Variants in C21orf91 observed in about 807,000 individuals in gnomAD.
The protein encoded by C21orf91 is protein EURL homolog.
A neutral mutation model predicts 32.9 loss-of-function variants in C21orf91; 26 were observed. That is an observed-to-expected ratio of 0.79 (90% confidence interval 0.58 to 1.10). The LOEUF (loss-of-function observed/expected upper bound fraction) is 1.10. C21orf91 is among the 50% of genes least tolerant of loss of function. The pLI is 0.00. For missense variants in C21orf91, 310 were observed against 341.3 expected (o/e 0.91, Z 0.72); for synonymous variants, 126 against 120.4 (o/e 1.05, Z -0.31).
Position 17,795,263 on chromosome 21 carries a change from C to T in C21orf91, c.672G>A (p.Ser224=). 3.1e-6 allele frequency: 5 copies of T among 1,605,076 alleles called. No homozygotes were observed. Among genetic ancestry groups the T allele is most frequent in the Non-Finnish European group, 3.4e-6 (4 of 1,172,138 alleles). The part of the protein sequence containing the change: ...HPHYSREELN[S]MTLGEVEQLN... Reference sequence around the variant, plus strand: ...GTTGCTCTACCTCACCAAGAGTCATCGAATTCACTGAAACATGAAAATGTA... The same window carrying T: ...GTTGCTCTACCTCACCAAGAGTCATTGAATTCACTGAAACATGAAAATGTA... The change falls in exon 4 of 5, where the codon TCG becomes TCA. Residue 224 remains serine, a synonymous_variant. Transcript: ENST00000284881.
rs1171975435 is a variant in C21orf91, at chr21:17,790,938, C to T, written c.*2477G>A. 2 of 152,092 alleles carry T rather than the reference C, an allele frequency of 1.3e-5. No homozygotes were observed. Among genetic ancestry groups the T allele is most frequent in the African/African-American group, 4.8e-5 (2 of 41,442 alleles). 9.4% of individuals were successfully genotyped at this position (152,092 alleles called of 1,614,324 possible). A position where few individuals can be genotyped will look rare whatever the true frequency, so the allele number is the denominator to read the frequency against. ...GCTCTGAAAATTTAGTAATGGATGA[C>T]TGGCAGTCTGTTTTGCCACTTTTTA... On this transcript the variant is annotated 3_prime_UTR_variant, in exon 5 of 5. Transcript: ENST00000284881.
Position 17,795,205 on chromosome 21 carries a change from T to C in C21orf91, c.727+3A>G, listed in dbSNP as rs1372688278. On this transcript the variant is annotated splice_donor_region_variant and intron_variant, in intron 4 of 4. Transcript: ENST00000284881. ...ACAAAAAAGTACTGACAGTGATTCT[T>C]ACCCTGGATTTGCTGTAGGAGCTTT... The C allele has an allele frequency of 6.2e-7, 1 of 1,601,822 alleles. No homozygotes were observed. Among genetic ancestry groups the C allele is most frequent in the Non-Finnish European group, 8.6e-7 (1 of 1,169,060 alleles).
chr21:17,810,733 T>A (rs1228103848), intron 2 of C21orf91: 1 of 152,258 alleles, frequency 6.6e-6, no homozygotes, highest in East Asian at 1.9e-4. Context: ...GACATCTGCA[T>A]GGTTCTTCTG....
At chr21:17,809,089 CTG>C in intron 2 of C21orf91, 1 of 155,548 alleles carries the variant, frequency 6.4e-6, no homozygotes, top group Non-Finnish European at 1.4e-5. Flanking sequence ...GCCACGCTTC[CTG>C]TACAGCCTGC....
intron 2 of C21orf91, chr21:17,810,769 TTG>T (rs2062627764): frequency 6.6e-6 from 1 of 152,244 alleles, no homozygotes; most frequent in Non-Finnish European, 1.5e-5. Flanking sequence ...CAAGACTGTC[TTG>T]TGTGTGTCCT....
At chr21:17,804,548 T>G (rs2062582890) in intron 2 of C21orf91, among the ~76,000 whole-genome samples, 1 of 152,240 alleles carries the variant, frequency 6.6e-6, no homozygotes, top group African/African-American at 2.4e-5. Flanking sequence ...GCAGATAGAA[T>G]ATTGGCAACC....
intron 2 of C21orf91, among the ~76,000 whole-genome samples, chr21:17,805,925 C>T (rs923750127): frequency 2.0e-5 from 3 of 152,182 alleles, no homozygotes; most frequent in Non-Finnish European, 2.9e-5. Context: ...TATCCACTTA[C>T]ATGGGGCATA....
rs1342524806 is a variant in C21orf91 at position 17,792,289 on chromosome 21, T to G, written c.*1126A>C. 3 of 152,146 alleles carry G rather than the reference T, an allele frequency of 2.0e-5. No homozygotes were observed. Among genetic ancestry groups the G allele is most frequent in the African/African-American group, 7.2e-5 (3 of 41,452 alleles). The allele number at this position is 152,146 out of a possible 1,614,324, so 9.4% of individuals were successfully genotyped here. A position where few individuals can be genotyped will look rare whatever the true frequency, so the allele number is the denominator to read the frequency against. ...CATTCTCTTAATACATAGGTTTATT[T>G]TTTTTTAATTAGGAGTTTTGCTTTT... On this transcript the variant is annotated 3_prime_UTR_variant, in exon 5 of 5. Coordinates refer to ENST00000284881, the MANE Select transcript of C21orf91 (RefSeq NM_001100420.2).
intron 2 of C21orf91, among the ~76,000 whole-genome samples, chr21:17,815,302 C>G (rs1278328061): frequency 6.6e-6 from 1 of 152,132 alleles, no homozygotes; most frequent in Non-Finnish European, 1.5e-5. Flanking sequence ...TCAGCCTCTT[C>G]TCGGAGAAGA....
intron 1 of C21orf91, among the ~76,000 whole-genome samples, chr21:17,818,587 C>T (rs1472888044): frequency 6.6e-6 from 1 of 152,228 alleles, no homozygotes; most frequent in Non-Finnish European, 1.5e-5. Flanking sequence ...GGGTTAGTGG[C>T]ACCTGAAGGA....
chr21:17,810,575 C>T (rs955065801), intron 2 of C21orf91: 2 of 152,236 alleles, frequency 1.3e-5, no homozygotes, highest in Non-Finnish European at 2.9e-5. Flanking sequence ...GACATCTTCA[C>T]CTGTGCTCAC....
intron 1 of C21orf91, among the ~76,000 whole-genome samples, chr21:17,818,568 T>C (rs1469927864): frequency 6.6e-6 from 1 of 152,206 alleles, no homozygotes; most frequent in Non-Finnish European, 1.5e-5. Context: ...TTTTGTCCTA[T>C]AGTTGATTGG....
chr21:17,815,220 A>G (rs185207588), intron 2 of C21orf91, among the ~76,000 whole-genome samples: 4 of 152,252 alleles, frequency 2.6e-5, no homozygotes, highest in African/African-American at 4.8e-5. Flanking sequence ...AAATATTATT[A>G]TTGTTTACTA....
chr21:17,807,778 T>A (rs760625900), intron 2 of C21orf91, among the ~76,000 whole-genome samples: 9 of 152,192 alleles, frequency 5.9e-5, no homozygotes, highest in Admixed American at 2.0e-4. Flanking sequence ...TCTGTGGACC[T>A]TTGAACTTGA....
intron 2 of C21orf91, among the ~76,000 whole-genome samples, chr21:17,805,944 C>T (rs762005636): frequency 2.7e-5 from 4 of 148,756 alleles, no homozygotes; most frequent in Non-Finnish European, 5.9e-5. Context: ...TATGGAGACA[C>T]CAACTTACAG....
chr21:17,797,383 G>T (rs991911323), intron 2 of C21orf91, among the ~76,000 whole-genome samples: 1 of 151,664 alleles, frequency 6.6e-6, no homozygotes, highest in East Asian at 1.9e-4. Context: ...GTTACTGCAC[G>T]ATATAAAAAA....
In C21orf91 at chr21:17,790,418, G is replaced by A. The variant is rs1012012061; in HGVS notation, c.*2997C>T. ...AAAACCATTTTCAGTCATAAATATAGTAAAATGAAAAACCAAATCTCAAGA... is the reference window on the plus strand; with the variant it reads ...AAAACCATTTTCAGTCATAAATATAATAAAATGAAAAACCAAATCTCAAGA... On this transcript the variant is annotated 3_prime_UTR_variant, in exon 5 of 5. Coordinates refer to ENST00000284881, the MANE Select transcript of C21orf91 (RefSeq NM_001100420.2). 6.6e-6 allele frequency: 1 copy of A among 151,974 alleles called. No individual in the cohort carries two copies. Among genetic ancestry groups the A allele is most frequent in the East Asian group, 1.9e-4 (1 of 5,202 alleles). The allele number at this position is 151,974 out of a possible 1,614,324, so 9.4% of individuals were successfully genotyped here.
chr21:17,796,472 T>C (rs1159280025), intron 3 of C21orf91, 110 bp downstream of exon 3: 6 of 826,860 alleles, frequency 7.3e-6, no homozygotes, highest in Non-Finnish European at 1.2e-5. Flanking sequence ...AAATACAATG[T>C]TTCCCAAATC....
At chr21:17,803,633 G>A (rs1447132257) in intron 2 of C21orf91, among the ~76,000 whole-genome samples, 1 of 152,100 alleles carries the variant, frequency 6.6e-6, no homozygotes, top group Non-Finnish European at 1.5e-5. Flanking sequence ...GCTAAGAAAC[G>A]GGGTACAGGT....
Sources: allele counts gnomAD v4.1 joint callset (sites outside exome capture counted in the v4.1 genomes callset), GRCh38; gene constraint gnomAD v4.1.1; transcripts MANE v1.5; gene names NCBI Gene and HGNC (gene_info 2026-07-23, HGNC 2026-07-21).